PARD3: variants seen among roughly 807,000 people sequenced by gnomAD.
PARD3 encodes partitioning defective 3 homolog.
In PARD3, 75 loss-of-function variants were observed where a neutral mutation model predicts 155.4. That is an observed-to-expected ratio of 0.48 (90% CI 0.40 to 0.58). The LOEUF (loss-of-function observed/expected upper bound fraction) is 0.58, where lower values mean the gene tolerates loss of function less well. Ranked by LOEUF, PARD3 falls within the 20% of genes least tolerant of loss-of-function variation. PARD3 has a pLI of 0.00. For synonymous variants in PARD3, 576 were observed against 610.5 expected (o/e 0.94, Z 0.83); for missense variants, 1,642 against 1,721.7 (o/e 0.95, Z 0.82).
intron 1 of PARD3, among the ~76,000 whole-genome samples, chr10:34,740,743 A>G (rs1462898027): frequency 1.3e-5 from 2 of 152,106 alleles, no homozygotes; most frequent in Admixed American, 1.3e-4. Flanking sequence ...CAGAATCTTC[A>G]TTCTGAACAA....
chr10:34,709,829 C>A (rs556965263), intron 1 of PARD3, among the ~76,000 whole-genome samples: 5 of 152,196 alleles, frequency 3.3e-5, no homozygotes, highest in Non-Finnish European at 5.9e-5. Context: ...CAGAGGTCAA[C>A]TGACACAGCT....
chr10:34,622,838 T>C (rs977825918), intron 2 of PARD3, among the ~76,000 whole-genome samples: 7 of 150,472 alleles, frequency 4.7e-5, no homozygotes, highest in African/African-American at 7.4e-5. Context: ...TTTTTTTTTT[T>C]TTTTTTTAGT....
intron 5 of PARD3, among the ~76,000 whole-genome samples, chr10:34,425,397 C>A (rs1012584347): frequency 1.3e-5 from 2 of 152,140 alleles, no homozygotes; most frequent in African/African-American, 2.4e-5. Context: ...TACTCACAAA[C>A]GAAAATTCCA....
chr10:34,553,535 G>A (rs1477751781), intron 2 of PARD3, among the ~76,000 whole-genome samples: 1 of 152,154 alleles, frequency 6.6e-6, no homozygotes, highest in Admixed American at 6.5e-5. Flanking sequence ...ATAAACAGAT[G>A]AGAAAACTGT....
chr10:34,575,926 CAGG>C (rs2086851077), intron 2 of PARD3, among the ~76,000 whole-genome samples: 1 of 151,510 alleles, frequency 6.6e-6, no homozygotes, highest in Admixed American at 6.6e-5. Context: ...GAAAGAAAAT[CAGG>C]TATTTGAGCT....
intron 22 of PARD3, among the ~76,000 whole-genome samples, chr10:34,205,033 GTCTGGGGATGAT>G (rs1190693625): frequency 6.6e-6 from 1 of 152,180 alleles, no homozygotes; most frequent in East Asian, 1.9e-4. Flanking sequence ...AGTAATTTGA[GTCTGGGGATGAT>G]TATCATCAAA....
intron 2 of PARD3, among the ~76,000 whole-genome samples, chr10:34,571,140 A>G (rs1355799078): frequency 6.6e-6 from 1 of 152,098 alleles, no homozygotes; most frequent in Admixed American, 6.5e-5. Context: ...GCAAGACCCT[A>G]TCTCTACAAA....
chr10:34,795,940 T>C (rs186650571), intron 1 of PARD3, among the ~76,000 whole-genome samples: 1,574 of 151,700 alleles, frequency 0.01, 9 homozygotes, highest in Non-Finnish European at 0.015. Flanking sequence ...AATTAAAAAG[T>C]CAACTCTTAT....
intron 2 of PARD3, among the ~76,000 whole-genome samples, chr10:34,640,708 CAAAAAAAAAAAAAAAA>C (rs59111039): frequency 1.2e-4 from 3 of 24,020 alleles, no homozygotes; most frequent in African/African-American, 2.4e-4. Context: ...GACTCCATCT[CAAAAAAAAAAAAAAAA>C]AAAAAAAAAA....
chr10:34,199,424 G>T (rs1024650040), intron 22 of PARD3, among the ~76,000 whole-genome samples: 1 of 152,176 alleles, frequency 6.6e-6, no homozygotes, highest in African/African-American at 2.4e-5. Context: ...TGGAGCTGGT[G>T]TGAGGACTAA....
chr10:34,352,444 T>C lies in PARD3; in HGVS notation c.2068-4329A>G, dbSNP rs58522249. 7.5e-3 allele frequency among the ~76,000 whole-genome samples: 1,146 copies of C among 152,300 alleles called. 13 individuals carry two copies. The highest frequency in any genetic ancestry group is 0.026 in the African/African-American group (1,092 of 41,570). On this transcript the variant is annotated intron_variant, in intron 14 of 24. Transcript: ENST00000374788. ...CCATCTCGGCTCACTGCAACCTCCCTGCCTGATTCTCCTGCCTCAGCCTGC... is the reference window on the plus strand; with the variant it reads ...CCATCTCGGCTCACTGCAACCTCCCCGCCTGATTCTCCTGCCTCAGCCTGC...
At chr10:34,727,568 TTA>T (rs1429184794) in intron 1 of PARD3, among the ~76,000 whole-genome samples, 2 of 15,012 alleles carry the variant, frequency 1.3e-4, no homozygotes. Context: ...ATTGCTATGT[TTA>T]TTTTTTTTTT....
At chr10:34,131,649 G>C in intron 22 of PARD3, 66 bp from the exon 23 acceptor site, 2 of 1,366,788 alleles carry the variant, frequency 1.5e-6, no homozygotes, top group Non-Finnish European at 2.1e-6. Context: ...GCAGTTGCTA[G>C]CAAAACATGG....
intron 14 of PARD3, among the ~76,000 whole-genome samples, chr10:34,355,952 C>CA (rs1170159840): frequency 1.9e-5 from 2 of 104,308 alleles, no homozygotes; most frequent in Non-Finnish European, 3.7e-5. Context: ...AAAAACAAAA[C>CA]AAAACCAAAC....
chr10:34,646,809 G>A (rs1459288262), intron 2 of PARD3, among the ~76,000 whole-genome samples: 2 of 152,130 alleles, frequency 1.3e-5, no homozygotes, highest in South Asian at 2.1e-4. Context: ...CCAAGCAGCT[G>A]GGACCCACAG....
intron 3 of PARD3, among the ~76,000 whole-genome samples, chr10:34,479,681 C>G (rs1210402237): frequency 6.6e-6 from 1 of 152,186 alleles, no homozygotes; most frequent in Non-Finnish European, 1.5e-5. Context: ...CAGTAGACAA[C>G]TGCATGGCGC....
At chr10:34,349,046 A>G (rs941657214) in intron 14 of PARD3, among the ~76,000 whole-genome samples, 1 of 152,146 alleles carries the variant, frequency 6.6e-6, no homozygotes, top group Non-Finnish European at 1.5e-5. Context: ...TGTGAGGTTC[A>G]CCACAAGGAC....
intron 22 of PARD3, among the ~76,000 whole-genome samples, chr10:34,208,131 A>G (rs1951565695): frequency 6.6e-6 from 1 of 152,254 alleles, no homozygotes; most frequent in African/African-American, 2.4e-5. Flanking sequence ...TTAGAGACAT[A>G]ACCATGAACA....
chr10:34,308,265 ACTT>A (rs1023022603), intron 20 of PARD3, among the ~76,000 whole-genome samples: 2 of 152,072 alleles, frequency 1.3e-5, no homozygotes, highest in African/African-American at 4.8e-5. Context: ...GGGAAAAGTG[ACTT>A]CTGGATGTGG....
Sources: gnomAD v4.1 joint callset for allele counts (sites outside exome capture counted in the v4.1 genomes callset) on GRCh38, gnomAD v4.1.1 for gene constraint, MANE v1.5 for transcripts, NCBI Gene and HGNC (gene_info 2026-07-23, HGNC 2026-07-21) for gene names.